LPCAT2: variants seen among roughly 807,000 people sequenced by gnomAD.
LPCAT2 encodes the protein lysophosphatidylcholine acyltransferase 2.
In LPCAT2, 58 loss-of-function variants were observed where a neutral mutation model predicts 64.7. The observed-to-expected ratio is 0.90, with a 90% CI of 0.73 to 1.12. The LOEUF is 1.12. LPCAT2 is among the 50% of genes most tolerant of loss of function. The pLI, the probability that LPCAT2 is intolerant of heterozygous loss-of-function variation, is 0.00. For missense variants in LPCAT2, 579 were observed against 669.8 expected, an observed-to-expected ratio of 0.86 and a Z score of 1.50; for synonymous variants, 252 against 245.3, an observed-to-expected ratio of 1.03 and a Z score of -0.26.
At chr16:55,542,207 C>G (rs1160831745) in intron 8 of LPCAT2, among the ~76,000 whole-genome samples, 1 of 151,936 alleles carries the variant, frequency 6.6e-6, no homozygotes, top group Non-Finnish European at 1.5e-5. Context: ...TGCTAAGGAC[C>G]AAGAGGAAGT....
intron 1 of LPCAT2, among the ~76,000 whole-genome samples, chr16:55,514,279 A>G (rs1213447352): frequency 6.6e-6 from 1 of 152,098 alleles, no homozygotes; most frequent in Non-Finnish European, 1.5e-5. Context: ...ATCTAAAAAT[A>G]CCCTAAGCTG....
At chr16:55,532,063 C>A in intron 5 of LPCAT2, 89 bp downstream of exon 5, 5 of 859,530 alleles carry the variant, frequency 5.8e-6, no homozygotes, top group Non-Finnish European at 9.7e-6. Context: ...AACTCTTTAG[C>A]TTGCTCTGAG....
At chr16:55,528,310 A>T in intron 2 of LPCAT2, 67 bp from the exon 3 acceptor site, 1 of 1,245,946 alleles carries the variant, frequency 8.0e-7, no homozygotes, top group Non-Finnish European at 1.1e-6. Context: ...TTATTGTATT[A>T]TAGAGTAAAA....
At chr16:55,572,043 T>C (rs1466551572) in intron 11 of LPCAT2, among the ~76,000 whole-genome samples, 1 of 152,196 alleles carries the variant, frequency 6.6e-6, no homozygotes, top group African/African-American at 2.4e-5. Flanking sequence ...CATGCTGCTT[T>C]TTCCTTCATA....
Position 55,509,114 on chromosome 16 carries a change from C to A in LPCAT2, c.-68C>A. The A allele has an allele frequency of 7.9e-7, 1 of 1,262,738 alleles. No individual in the cohort carries two copies. The highest frequency in any genetic ancestry group is 2.4e-5 in the South Asian group (1 of 42,018). The allele number at this position is 1,262,738 out of a possible 1,614,324, so 78.2% of individuals were successfully genotyped here. On this transcript the variant is annotated 5_prime_UTR_variant, in exon 1 of 14. Coordinates refer to ENST00000262134, the MANE Select transcript of LPCAT2 (RefSeq NM_017839.5). ...GCCCTAGGCTGGGACTCTAGTAGGT[C>A]TTCGGCTCAGTTTTGGCTGCAGCGC...
chr16:55,562,915 C>CA (rs1173285685), intron 11 of LPCAT2, among the ~76,000 whole-genome samples: 1 of 151,788 alleles, frequency 6.6e-6, no homozygotes, highest in East Asian at 1.9e-4. Context: ...TAGGATTTCT[C>CA]AAAGTATTAT....
chr16:55,543,314 A>G (rs1189382355), intron 8 of LPCAT2, among the ~76,000 whole-genome samples: 2 of 152,166 alleles, frequency 1.3e-5, no homozygotes, highest in Non-Finnish European at 2.9e-5. Context: ...TACTACCTGC[A>G]CTAATATAAA....
intron 11 of LPCAT2, among the ~76,000 whole-genome samples, chr16:55,572,314 C>G (rs992562273): frequency 6.6e-6 from 1 of 152,100 alleles, no homozygotes; most frequent in Admixed American, 6.5e-5. Context: ...AACATAAATT[C>G]AAAGGGGTAT....
intron 11 of LPCAT2, chr16:55,566,945 TCAG>T (rs1308644624): frequency 1.2e-6 from 2 of 1,613,726 alleles, no homozygotes; most frequent in Non-Finnish European, 8.5e-7. Flanking sequence ...CGCCTCCCAC[TCAG>T]CAGCATTTCA....
chr16:55,518,858 C>T (rs552035907), intron 1 of LPCAT2, among the ~76,000 whole-genome samples: 1 of 142,230 alleles, frequency 7.0e-6, no homozygotes, highest in African/African-American at 2.6e-5. Flanking sequence ...TCTTCATGAC[C>T]TTGAATTAGG....
chr16:55,513,407 A>G lies in LPCAT2; in HGVS notation c.171+4055A>G, dbSNP rs531947201. 4.6e-5 allele frequency among the ~76,000 whole-genome samples: 7 copies of G among 152,298 alleles called. No individual in the cohort carries two copies. The East Asian group carries it at 5.8e-4, about 13-fold the overall frequency. ...TTAGTGAACTTGAAGATAGGTCACT[A>G]GAAATTATTCAGTCTAAAAAGCAGA... On this transcript the variant is annotated intron_variant, in intron 1 of 13. Transcript: ENST00000262134.
intron 7 of LPCAT2, 50 bp from the exon 8 acceptor site, chr16:55,537,528 A>G: frequency 7.3e-7 from 1 of 1,365,908 alleles, no homozygotes; most frequent in Non-Finnish European, 1.0e-6. Context: ...ATAATATAAG[A>G]TGATACTTGC....
chr16:55,534,561 A>G, intron 7 of LPCAT2, 84 bp downstream of exon 7: 1 of 660,638 alleles, frequency 1.5e-6, no homozygotes, highest in South Asian at 2.2e-5. Context: ...TTCTTTAAAA[A>G]AGTATTATTT....
chr16:55,554,240 G>A (rs1488387358), intron 11 of LPCAT2, among the ~76,000 whole-genome samples: 2 of 152,142 alleles, frequency 1.3e-5, no homozygotes, highest in Non-Finnish European at 2.9e-5. Flanking sequence ...GCCAGGCATT[G>A]ATTTCTCTCT....
At chr16:55,551,213 G>C (rs912576657) in intron 11 of LPCAT2, 111 bp downstream of exon 11, 7 of 939,874 alleles carry the variant, frequency 7.4e-6, no homozygotes, top group Non-Finnish European at 1.0e-5. Context: ...AAGAATCAAG[G>C]CTGAGCCTAT....
At chr16:55,580,432 A>G (rs1963875827) in intron 13 of LPCAT2, among the ~76,000 whole-genome samples, 1 of 152,208 alleles carries the variant, frequency 6.6e-6, no homozygotes, top group South Asian at 2.1e-4. Flanking sequence ...AATACTAAAA[A>G]TGATTTGTAG....
At chr16:55,555,514 A>G (rs1421533059) in intron 11 of LPCAT2, among the ~76,000 whole-genome samples, 1 of 152,198 alleles carries the variant, frequency 6.6e-6, no homozygotes, top group Admixed American at 6.5e-5. Context: ...TACTATTGGG[A>G]AAAAAAGTAG....
At chr16:55,564,394 C>T (rs1963668629) in intron 11 of LPCAT2, among the ~76,000 whole-genome samples, 2 of 151,934 alleles carry the variant, frequency 1.3e-5, no homozygotes, top group South Asian at 4.1e-4. Context: ...CCAAAACAAT[C>T]TTGAAAAAGA....
intron 6 of LPCAT2, among the ~76,000 whole-genome samples, chr16:55,533,918 T>C (rs953212576): frequency 1.3e-5 from 2 of 152,170 alleles, no homozygotes; most frequent in Non-Finnish European, 2.9e-5. Context: ...TCTCTACTAT[T>C]TAATATTAAG....
Sources: allele counts gnomAD v4.1 joint callset (sites outside exome capture counted in the v4.1 genomes callset), GRCh38; gene constraint gnomAD v4.1.1; transcripts MANE v1.5; gene names NCBI Gene and HGNC (gene_info 2026-07-23, HGNC 2026-07-21).